The following ZNF593OS variants were observed in gnomAD, a reference collection of about 807,000 sequenced individuals.
ZNF593OS encodes transmembrane protein ZNF593OS.
chr1:26,170,139 C>T, downstream of ZNF593OS: 1 of 1,571,600 alleles, frequency 6.4e-7, no homozygotes, highest in Non-Finnish European at 8.6e-7. Flanking sequence ...CCGAGTTCGA[C>T]CCCGACCTGC....
At chr1:26,170,223 C>G (rs961654226), downstream of ZNF593OS, 3 of 1,580,792 alleles carry the variant, frequency 1.9e-6, no homozygotes, top group African/African-American at 4.0e-5. Flanking sequence ...GGAGGAGGGT[C>G]CGCGGTACCG....
rs2088497566 is a variant in ZNF593OS at position 26,171,570 on chromosome 1, G to A, written c.45+47C>T. The A allele has an allele frequency of 5.0e-6, 2 of 398,544 alleles. No homozygotes were observed. Among genetic ancestry groups the A allele is most frequent in the Admixed American group, 8.8e-5 (2 of 22,716 alleles). The allele number at this position is 398,544 out of a possible 1,614,324, so 24.7% of individuals were successfully genotyped here. On this transcript the variant is annotated intron_variant, in intron 1 of 1. Transcript: ENST00000648649. This position sits in a 1 kb window ranked among gnomAD's most constrained non-coding sequence, Gnocchi z 5.5. The stretch of plus-strand genomic sequence containing the variant: ...GGTGTCAACCCAGCTATGGTAGGGG[G>A]AGGAAGGGGTCAGTCGTGCCAGAAA...
chr1:26,170,871 G>A, exon 2 of ZNF593OS: 1 of 966,968 alleles, frequency 1.0e-6, no homozygotes, highest in Non-Finnish European at 1.5e-6. Context: ...TGGACAAAGA[G>A]AACTTGCCTC....
chr1:26,171,105 T>A lies in ZNF593OS; in HGVS notation c.*84A>T, dbSNP rs917550438. On this transcript the variant is annotated 3_prime_UTR_variant, in exon 2 of 2. Transcript: ENST00000648649. The surrounding 1 kb of genome is among the most constrained non-coding windows in gnomAD (Gnocchi z 5.5). ...CTGTCCTGCTTCTGACAGAGACTGA[T>A]CCCCAGAAAAGAAGGCTTCTGAGAT... 2 of 409,752 alleles carry A rather than the reference T, an allele frequency of 4.9e-6. No homozygotes were observed. Among genetic ancestry groups the A allele is most frequent in the African/African-American group, 4.1e-5 (2 of 48,824 alleles). 25.4% of individuals were successfully genotyped at this position (409,752 alleles called of 1,614,324 possible). A position where few individuals can be genotyped will look rare whatever the true frequency, so the allele number is the denominator to read the frequency against.
At chr1:26,170,578 G>A in exon 2 of ZNF593OS, 1 of 1,613,936 alleles carries the variant, frequency 6.2e-7, no homozygotes, top group Non-Finnish European at 8.5e-7. Flanking sequence ...CTCCCAGGCT[G>A]AAGCAGCTGA....
At chr1:26,170,944 C>T (rs935182073) in exon 2 of ZNF593OS, 13 of 615,374 alleles carry the variant, frequency 2.1e-5, no homozygotes, top group Admixed American at 3.0e-5. Context: ...CTACTACTTT[C>T]TGTACACCAG....
In ZNF593OS at chr1:26,171,258, G is replaced by A. The variant is rs535042133; in HGVS notation, c.123C>T (p.Leu41=). 6.4e-5 allele frequency: 26 copies of A among 406,648 alleles called. No homozygotes were observed. Among genetic ancestry groups the A allele is most frequent in the African/African-American group, 2.7e-4 (13 of 48,790 alleles). 25.2% of individuals were successfully genotyped at this position (406,648 alleles called of 1,614,324 possible). A position where few individuals can be genotyped will look rare whatever the true frequency, so the allele number is the denominator to read the frequency against. Reference sequence around the variant, plus strand: ...CGGCATAGCAGGAGCCACCCAGGCCGAGGACAGCTAGCACTGTAGCCACAA... The same window carrying A: ...CGGCATAGCAGGAGCCACCCAGGCCAAGGACAGCTAGCACTGTAGCCACAA... Residue 41 remains leucine (L), a synonymous_variant, in exon 2 of 2, where the codon CTC becomes CTT. Coordinates refer to ENST00000648649, the Ensembl canonical transcript of ZNF593OS. The surrounding 1 kb of genome is among the most constrained non-coding windows in gnomAD (Gnocchi z 5.5).
downstream of ZNF593OS, chr1:26,170,274 C>A (rs2088474344): frequency 1.3e-6 from 2 of 1,552,990 alleles, no homozygotes; most frequent in Admixed American, 1.8e-5. Flanking sequence ...AGCGCAGAGT[C>A]TTCTCTCTTG....
At position 26,170,887 on chromosome 1, in the gene ZNF593OS, C is replaced by CT. The variant is rs1569861460; in HGVS notation, c.*301dup. The CT allele has an allele frequency of 3.6e-6, 3 of 833,006 alleles. No homozygotes were observed. The East Asian group carries it at 8.0e-5, about 22-fold the overall frequency. 51.6% of individuals were successfully genotyped at this position (833,006 alleles called of 1,614,324 possible). ...GGACAAAGAGAACTTGCCTCCAACT[C>CT]TAACTTCCAGGCCGCTGTCTCAAAC... On this transcript the variant is annotated 3_prime_UTR_variant, in exon 2 of 2. Transcript: ENST00000648649.
chr1:26,171,383 G>C lies in ZNF593OS; in HGVS notation c.46-48C>G. 2.5e-6 allele frequency: 1 copy of C among 399,542 alleles called. No individual in the cohort carries two copies. The allele number at this position is 399,542 out of a possible 1,614,324, so 24.7% of individuals were successfully genotyped here. A position where few individuals can be genotyped will look rare whatever the true frequency, so the allele number is the denominator to read the frequency against. On this transcript the variant is annotated intron_variant, in intron 1 of 1. Transcript: ENST00000648649. The surrounding 1 kb of genome is among the most constrained non-coding windows in gnomAD (Gnocchi z 5.5). ...CCTCAGGGGTCAGTTGAGACTGCCAGGAAGGTGGGGAGTGGGAAAGGGCTG... is the reference window on the plus strand; with the variant it reads ...CCTCAGGGGTCAGTTGAGACTGCCACGAAGGTGGGGAGTGGGAAAGGGCTG...
downstream of ZNF593OS, chr1:26,170,029 G>T (rs753776147): frequency 2.4e-5 from 37 of 1,570,442 alleles, no homozygotes; most frequent in Middle Eastern, 5.0e-4. Context: ...GCACTCTCTA[G>T]CCCGGCAGAT....
chr1:26,170,104 G>T (rs756401448), downstream of ZNF593OS: 201 of 1,570,180 alleles, frequency 1.3e-4, no homozygotes, highest in Non-Finnish European at 1.7e-4. Flanking sequence ...TCAGGGATCC[G>T]CACGACCCCA....
chr1:26,171,626 C>A lies in ZNF593OS; in HGVS notation c.36G>T (p.Arg12=). 2.5e-6 allele frequency: 1 copy of A among 398,604 alleles called. No individual in the cohort carries two copies. Among genetic ancestry groups the A allele is most frequent in the Non-Finnish European group, 4.4e-6 (1 of 226,086 alleles). The allele number at this position is 398,604 out of a possible 1,614,324, so 24.7% of individuals were successfully genotyped here. Reference sequence around the variant, plus strand: ...GATCAGGGGTACTTACCTGTAACACCCGGAAGTAACCAGGGGTCAAGCGTC... The same window carrying A: ...GATCAGGGGTACTTACCTGTAACACACGGAAGTAACCAGGGGTCAAGCGTC... Residue 12 remains arginine, a synonymous_variant, in exon 1 of 2, where the codon CGG becomes CGT. Coordinates refer to ENST00000648649, the Ensembl canonical transcript of ZNF593OS. This position sits in a 1 kb window ranked among gnomAD's most constrained non-coding sequence, Gnocchi z 5.5.
At chr1:26,169,917 G>T, downstream of ZNF593OS, 5 of 1,453,446 alleles carry the variant, frequency 3.4e-6, no homozygotes, top group South Asian at 1.4e-5. Flanking sequence ...TGATCGGCCC[G>T]GAAGTGCTCA....
chr1:26,170,840 C>T (rs897336419), exon 2 of ZNF593OS: 2 of 1,267,348 alleles, frequency 1.6e-6, no homozygotes, highest in African/African-American at 3.0e-5. Context: ...CTTCTTGGTG[C>T]CCTGCCCCAA....
downstream of ZNF593OS, chr1:26,170,011 C>G (rs931085067): frequency 1.3e-6 from 2 of 1,558,950 alleles, no homozygotes; most frequent in Non-Finnish European, 1.7e-6. Flanking sequence ...GACAGGCGCG[C>G]ACCGAGCGCA....
chr1:26,170,053 C>T (rs2088469971), downstream of ZNF593OS: 1 of 1,573,104 alleles, frequency 6.4e-7, no homozygotes, highest in East Asian at 2.3e-5. Context: ...GGCGAAGCGG[C>T]GGCGGCCGGA....
rs550332851 is a variant in ZNF593OS, at chr1:26,171,320, C to T, written c.61G>A (p.Glu21Lys). Reference sequence around the variant, plus strand: ...AGACTCCGGGGCTCTGCCTTCAGCTCACCAGCTACCTGCATCTGGAGGTGC... The same window carrying T: ...AGACTCCGGGGCTCTGCCTTCAGCTTACCAGCTACCTGCATCTGGAGGTGC... Residue 21 changes from glutamate (E) to lysine (K), a missense_variant, in exon 2 of 2, where the codon GAG becomes AAG. By Grantham distance (56) the Glu-to-Lys change is moderately conservative. Transcript: ENST00000648649. This position sits in a 1 kb window ranked among gnomAD's most constrained non-coding sequence, Gnocchi z 5.5. The T allele has an allele frequency of 2.2e-5, 9 of 400,918 alleles. No individual in the cohort carries two copies. Among genetic ancestry groups the T allele is most frequent in the Non-Finnish European group, 4.0e-5 (9 of 227,732 alleles). 24.8% of individuals were successfully genotyped at this position (400,918 alleles called of 1,614,324 possible).
rs925040618 is a variant in ZNF593OS, at chr1:26,171,089, T to A, written c.*100A>T. On this transcript the variant is annotated 3_prime_UTR_variant, in exon 2 of 2. Coordinates refer to ENST00000648649, the Ensembl canonical transcript of ZNF593OS. The surrounding 1 kb of genome is among the most constrained non-coding windows in gnomAD (Gnocchi z 5.5). ...GTGGGATCAGATTACTCTGTCCTGC[T>A]TCTGACAGAGACTGATCCCCAGAAA... The A allele has an allele frequency of 2.3e-6, 1 of 432,690 alleles. No homozygotes were observed. The allele number at this position is 432,690 out of a possible 1,614,324, so 26.8% of individuals were successfully genotyped here. A position where few individuals can be genotyped will look rare whatever the true frequency, so the allele number is the denominator to read the frequency against.
Sources: allele counts gnomAD v4.1 joint callset, GRCh38; gene constraint gnomAD v4.1.1; non-coding constraint Gnocchi (gnomAD v3.1); transcripts MANE v1.5; gene names NCBI Gene and HGNC (gene_info 2026-07-23, HGNC 2026-07-21).